UGT8: variants seen among roughly 807,000 people sequenced by gnomAD.
UGT8 encodes the protein 2-hydroxyacylsphingosine 1-beta-galactosyltransferase.
A neutral mutation model predicts 40.5 loss-of-function variants in UGT8; 12 were observed. The observed-to-expected ratio is 0.30, with a 90% CI of 0.19 to 0.48. UGT8 has a LOEUF of 0.48. Ranked by LOEUF, UGT8 falls within the 20% of genes least tolerant of loss-of-function variation. The pLI, the probability that UGT8 is intolerant of heterozygous loss-of-function variation, is 0.99. For synonymous variants in UGT8, 224 were observed against 240.4 expected (o/e 0.93, Z 0.63); for missense variants, 513 against 648.7 (o/e 0.79, Z 2.27).
rs760580655 is a variant in UGT8 at position 114,623,064 on chromosome 4, A to T, written c.184A>T (p.Ile62Phe). The change falls in exon 2 of 6, where the codon ATC becomes TTC. Residue 62 changes from isoleucine to phenylalanine, a missense_variant. Ile to Phe is a conservative substitution (Grantham distance 21). Around this residue, in one of 3 missense-constraint regions of UGT8, gnomAD observed 335 missense variants for 444.8 expected, o/e 0.75. Coordinates refer to ENST00000310836, the MANE Select transcript of UGT8 (RefSeq NM_001128174.3). ...TVFLLSEGRD[I>F]APSNHYSLQR... ...GTTCCTCCTCTCTGAAGGCAGAGAC[A>T]TCGCCCCATCTAATCATTACAGCCT... is the stretch of plus-strand genomic sequence containing the variant. The T allele has an allele frequency of 6.2e-7, 1 of 1,614,186 alleles. No individual in the cohort carries two copies. Among genetic ancestry groups the T allele is most frequent in the Admixed American group, 1.7e-5 (1 of 60,006 alleles).
intron 2 of UGT8, among the ~76,000 whole-genome samples, chr4:114,659,383 C>T (rs1381637242): frequency 6.6e-6 from 1 of 152,182 alleles, no homozygotes; most frequent in Admixed American, 6.5e-5. Context: ...ACTTAAGTTG[C>T]ATAGGAATGG....
chr4:114,644,023 A>G (rs1006337521), intron 2 of UGT8, among the ~76,000 whole-genome samples: 3 of 151,886 alleles, frequency 2.0e-5, no homozygotes, highest in Non-Finnish European at 2.9e-5. Flanking sequence ...CCCTTCAGCC[A>G]TGGTGCCTTT....
chr4:114,658,047 T>TA (rs1156771310), intron 2 of UGT8, among the ~76,000 whole-genome samples: 2 of 152,218 alleles, frequency 1.3e-5, no homozygotes, highest in Non-Finnish European at 1.5e-5. Flanking sequence ...TGTTGTTTAA[T>TA]AAGTCTTGGT....
chr4:114,672,352 A>G (rs1009343913), intron 5 of UGT8, among the ~76,000 whole-genome samples: 9 of 152,230 alleles, frequency 5.9e-5, no homozygotes, highest in African/African-American at 1.9e-4. Context: ...TCGTTCTGCT[A>G]TAAAGACACA....
In UGT8 at chr4:114,664,446, A is replaced by G. The variant is rs1207331444; in HGVS notation, c.965+309A>G. 2.6e-5 allele frequency among the ~76,000 whole-genome samples: 4 copies of G among 152,190 alleles called. No homozygotes were observed. In the East Asian group the frequency reaches 5.8e-4, roughly 22 times the overall value. On this transcript the variant is annotated intron_variant, in intron 3 of 5. Transcript: ENST00000310836. ...CTCGTTTACTCTTTTATTATTTATT[A>G]TGATTTTAAAAATTAGTTTTAATTG...
At chr4:114,656,026 A>G (rs187595685) in intron 2 of UGT8, among the ~76,000 whole-genome samples, 41 of 152,286 alleles carry the variant, frequency 2.7e-4, no homozygotes, top group Non-Finnish European at 4.4e-4. Flanking sequence ...GCATCCTTAC[A>G]GGAATATCAC....
Position 114,623,504 on chromosome 4 carries a change from C to G in UGT8, c.624C>G (p.Ser208Arg). The G allele has an allele frequency of 2.5e-6, 4 of 1,614,136 alleles. No homozygotes were observed. The highest frequency in any genetic ancestry group is 3.4e-6 in the Non-Finnish European group (4 of 1,180,024). Residue 208 changes from serine (S) to arginine (R), a missense_variant, in exon 2 of 6, where the codon AGC (serine) becomes AGG (arginine). Coordinates refer to ENST00000310836, the MANE Select transcript of UGT8 (RefSeq NM_001128174.3). ...GVYLISRLGV[S>R]FLVLPKYERI... ...ACCTCATTTCCAGATTAGGGGTCAG[C>G]TTTCTGGTTCTTCCCAAATATGAAA...
At chr4:114,662,600 C>A (rs1734610430) in intron 2 of UGT8, among the ~76,000 whole-genome samples, 1 of 152,100 alleles carries the variant, frequency 6.6e-6, no homozygotes, top group Admixed American at 6.6e-5. Context: ...TCCTTTCTGT[C>A]ATCAGTCTCG....
intron 2 of UGT8, among the ~76,000 whole-genome samples, chr4:114,638,966 C>T (rs1733049415): frequency 6.6e-6 from 1 of 152,162 alleles, no homozygotes; most frequent in Admixed American, 6.5e-5. Context: ...AAAGAAAATG[C>T]CCAGCCCTTC....
intron 2 of UGT8, among the ~76,000 whole-genome samples, chr4:114,657,232 G>A (rs1247425413): frequency 6.6e-6 from 1 of 151,948 alleles, no homozygotes; most frequent in East Asian, 1.9e-4. Context: ...AAGGTCTTAA[G>A]AACCTTGAAA....
chr4:114,662,816 CTTTTTTTT>C (rs142469406), intron 2 of UGT8, among the ~76,000 whole-genome samples: 5 of 53,170 alleles, frequency 9.4e-5, no homozygotes, highest in Non-Finnish European at 1.6e-4. Flanking sequence ...TGTGACCATG[CTTTTTTTT>C]TTTTTTTTTT....
chr4:114,605,448 G>A (rs536457423), intron 1 of UGT8, among the ~76,000 whole-genome samples: 7 of 152,200 alleles, frequency 4.6e-5, no homozygotes, highest in Non-Finnish European at 8.8e-5. Flanking sequence ...GTTCATTAAA[G>A]AAATTTACAT....
At chr4:114,659,622 C>G (rs555299601) in intron 2 of UGT8, among the ~76,000 whole-genome samples, 1 of 152,082 alleles carries the variant, frequency 6.6e-6, no homozygotes, top group Non-Finnish European at 1.5e-5. Context: ...TGCTGGTCTA[C>G]GTACAAGACG....
intron 3 of UGT8, 110 bp from the exon 4 acceptor site, chr4:114,665,570 C>A: frequency 1.6e-6 from 2 of 1,219,038 alleles, no homozygotes; most frequent in Non-Finnish European, 2.2e-6. Flanking sequence ...TTAAGAATAT[C>A]AACAAAAGAT....
chr4:114,677,229 T>C lies in UGT8; in HGVS notation c.*941T>C, dbSNP rs937199192. The C allele has an allele frequency of 2.0e-5, 3 of 152,242 alleles. No individual in the cohort carries two copies. Among genetic ancestry groups the C allele is most frequent in the African/African-American group, 7.2e-5 (3 of 41,476 alleles). The allele number at this position is 152,242 out of a possible 1,614,324, so 9.4% of individuals were successfully genotyped here. A position where few individuals can be genotyped will look rare whatever the true frequency, so the allele number is the denominator to read the frequency against. ...ATGTTTATGTAACTGATGGCTTTTC[T>C]ATAATGTAATTTTTGAATGTTCAGG... On this transcript the variant is annotated 3_prime_UTR_variant, in exon 6 of 6. Coordinates refer to ENST00000310836, the MANE Select transcript of UGT8 (RefSeq NM_001128174.3).
intron 1 of UGT8, among the ~76,000 whole-genome samples, chr4:114,620,375 G>A (rs1296849278): frequency 1.3e-5 from 2 of 152,176 alleles, no homozygotes; most frequent in Non-Finnish European, 2.9e-5. Context: ...TATCCCTGGA[G>A]TTCATATTTC....
At chr4:114,639,772 C>A (rs558428480) in intron 2 of UGT8, among the ~76,000 whole-genome samples, 1 of 152,114 alleles carries the variant, frequency 6.6e-6, no homozygotes, top group Non-Finnish European at 1.5e-5. Flanking sequence ...AAACAATAAA[C>A]AAAATAAATT....
At chr4:114,664,303 A>G (rs1487326614) in intron 3 of UGT8, among the ~76,000 whole-genome samples, 166 bp downstream of exon 3, 3 of 152,188 alleles carry the variant, frequency 2.0e-5, no homozygotes, top group African/African-American at 4.8e-5. Context: ...GAATTAATTC[A>G]TAAGGCTCTA....
At chr4:114,611,789 G>T (rs993055249) in intron 1 of UGT8, among the ~76,000 whole-genome samples, 1 of 151,796 alleles carries the variant, frequency 6.6e-6, no homozygotes, top group Non-Finnish European at 1.5e-5. Flanking sequence ...AAGGAAAATT[G>T]CATTTTTTAA....
Sources: gnomAD v4.1 joint callset for allele counts (sites outside exome capture counted in the v4.1 genomes callset) on GRCh38, gnomAD v4.1.1 for gene constraint, gnomAD v4.1.1 regional missense constraint, MANE v1.5 for transcripts, NCBI Gene and HGNC (gene_info 2026-07-23, HGNC 2026-07-21) for gene names.